Variants in FARS2 observed in about 807,000 individuals in gnomAD.
FARS2 encodes the protein phenylalanyl-tRNA synthetase 2, mitochondrial, also known as phenylalanine--tRNA ligase, mitochondrial.
FARS2 carries 40 observed loss-of-function variants against 46.4 expected under a neutral mutation model. The ratio of observed to expected loss-of-function variants is 0.86; its 90% confidence interval spans 0.67 to 1.12. The LOEUF is 1.12. Among genes scored for constraint, FARS2 ranks in the 50% most tolerant of loss-of-function variants. FARS2 has a pLI of 0.00. For synonymous variants in FARS2, 234 were observed against 214.9 expected (o/e 1.09, Z -0.78); for missense variants, 513 against 567.9 (o/e 0.90, Z 0.98).
chr6:5,410,528 T>C (rs771039572), intron 3 of FARS2, among the ~76,000 whole-genome samples: 19 of 152,148 alleles, frequency 1.2e-4, no homozygotes, highest in Admixed American at 6.5e-5. Flanking sequence ...TTGCTGTTGG[T>C]TGGTTTATTA....
chr6:5,727,484 A>G lies in FARS2; in HGVS notation c.1218-43807A>G, dbSNP rs1760342000. Among the ~76,000 whole-genome samples the G allele has an allele frequency of 6.6e-6, 1 of 152,222 alleles. No individual in the cohort carries two copies. The highest frequency in any genetic ancestry group is 1.5e-5 in the Non-Finnish European group (1 of 68,040). On this transcript the variant is annotated intron_variant, in intron 6 of 6. Coordinates refer to ENST00000274680, the MANE Select transcript of FARS2 (RefSeq NM_006567.5). The surrounding 1 kb of genome is among the most constrained non-coding windows in gnomAD (Gnocchi z 4.1). ...TTCTGTTTAAATAAAATGCCACGCT[A>G]GCGGGTTTCGGGTAACTGAAGAAAG...
chr6:5,635,994 T>G (rs2150729551), intron 6 of FARS2, among the ~76,000 whole-genome samples: 1 of 152,290 alleles, frequency 6.6e-6, no homozygotes, highest in South Asian at 2.1e-4. Context: ...CCAAAACACA[T>G]AAGCTACTAG....
intron 6 of FARS2, among the ~76,000 whole-genome samples, chr6:5,662,415 C>A (rs1009849345): frequency 5.9e-5 from 9 of 152,314 alleles, no homozygotes; most frequent in Admixed American, 1.3e-4. Flanking sequence ...CTCACTAAAA[C>A]AGCAATGTGG....
chr6:5,726,669 G>T lies in FARS2; in HGVS notation c.1218-44622G>T, dbSNP rs991401571. ...CCTCTATGCCTCGGAGACCACAACTGCAGAGCAGCCATTGTTTTAGCAGAG... is the reference window on the plus strand; with the variant it reads ...CCTCTATGCCTCGGAGACCACAACTTCAGAGCAGCCATTGTTTTAGCAGAG... On this transcript the variant is annotated intron_variant, in intron 6 of 6. Coordinates refer to ENST00000274680, the MANE Select transcript of FARS2 (RefSeq NM_006567.5). 3.3e-5 allele frequency among the ~76,000 whole-genome samples: 5 copies of T among 152,234 alleles called. 1 individual carries two copies. The highest frequency in any genetic ancestry group is 2.6e-4 in the Admixed American group (4 of 15,284).
chr6:5,737,775 G>A (rs545114258), intron 6 of FARS2, among the ~76,000 whole-genome samples: 4 of 152,186 alleles, frequency 2.6e-5, no homozygotes, highest in East Asian at 1.9e-4. Flanking sequence ...CCCTTCTTCC[G>A]TCTATCTGTG....
At chr6:5,554,053 A>G (rs1771516013) in intron 5 of FARS2, among the ~76,000 whole-genome samples, 1 of 152,232 alleles carries the variant, frequency 6.6e-6, no homozygotes, top group Non-Finnish European at 1.5e-5. Flanking sequence ...CAATCTTGAA[A>G]CTATTTTCTT....
intron 6 of FARS2, among the ~76,000 whole-genome samples, chr6:5,718,414 C>T (rs1561818852): frequency 6.6e-6 from 1 of 152,194 alleles, no homozygotes; most frequent in Non-Finnish European, 1.5e-5. Flanking sequence ...GTACTTGTTA[C>T]TGTATACCCT....
chr6:5,499,402 A>G (rs1767662109), intron 4 of FARS2, among the ~76,000 whole-genome samples: 1 of 152,226 alleles, frequency 6.6e-6, no homozygotes, highest in Admixed American at 6.5e-5. Flanking sequence ...CCTTCAGTGC[A>G]GGACATGAGT....
intron 6 of FARS2, among the ~76,000 whole-genome samples, chr6:5,749,126 C>T (rs1401850538): frequency 1.3e-5 from 2 of 152,212 alleles, no homozygotes; most frequent in African/African-American, 4.8e-5. Context: ...GCCACGGGCC[C>T]AGTCCTCTCC....
intron 6 of FARS2, among the ~76,000 whole-genome samples, chr6:5,681,686 C>A (rs1449811671): frequency 6.6e-6 from 1 of 152,234 alleles, no homozygotes; most frequent in African/African-American, 2.4e-5. Flanking sequence ...CATCTGCTGA[C>A]AAACTGCTGA....
chr6:5,390,551 C>T (rs1259721071), intron 2 of FARS2, among the ~76,000 whole-genome samples: 1 of 152,180 alleles, frequency 6.6e-6, no homozygotes, highest in East Asian at 1.9e-4. Context: ...AAACCAGTGT[C>T]TTTTCTGTGT....
rs1231033422 is a variant in FARS2, at chr6:5,642,156, ATGTC to A, written c.1217+28840_1217+28843del. 1.1e-4 allele frequency among the ~76,000 whole-genome samples: 16 copies of A among 152,282 alleles called. No individual in the cohort carries two copies. The South Asian group carries it at 2.1e-3, about 20-fold the overall frequency. ...TGTGTGTGTCTGTATGTGTGTGTGT[ATGTC>A]TGTATGTGTGTATTATAACACATGC... On this transcript the variant is annotated intron_variant, in intron 6 of 6. Transcript: ENST00000274680.
In FARS2 at chr6:5,727,988, G is replaced by A. The variant is rs73364225; in HGVS notation, c.1218-43303G>A. Among the ~76,000 whole-genome samples the A allele has an allele frequency of 6.0e-3, 917 of 152,300 alleles. 8 individuals carry two copies. Among genetic ancestry groups the A allele is most frequent in the African/African-American group, 0.021 (860 of 41,558 alleles). On this transcript the variant is annotated intron_variant, in intron 6 of 6. Transcript: ENST00000274680. The surrounding 1 kb of genome is among the most constrained non-coding windows in gnomAD (Gnocchi z 4.1). Reference sequence around the variant, plus strand: ...GTCCCTGGGAGCTTCGCTTACCACCGTGGGCACTTAATGGATGCTAAATAA... The same window carrying A: ...GTCCCTGGGAGCTTCGCTTACCACCATGGGCACTTAATGGATGCTAAATAA...
At chr6:5,527,144 G>A (rs562677805) in intron 4 of FARS2, among the ~76,000 whole-genome samples, 36 of 152,142 alleles carry the variant, frequency 2.4e-4, no homozygotes, top group Middle Eastern at 3.4e-3. Context: ...TCAACTCTTC[G>A]GTTATATTCT....
intron 4 of FARS2, among the ~76,000 whole-genome samples, chr6:5,477,020 C>A (rs1766164310): frequency 6.6e-6 from 1 of 152,048 alleles, no homozygotes; most frequent in African/African-American, 2.4e-5. Flanking sequence ...AGAAAATATC[C>A]CTCTTTCTTT....
intron 4 of FARS2, among the ~76,000 whole-genome samples, chr6:5,489,543 T>C (rs1766975975): frequency 6.6e-6 from 1 of 152,240 alleles, no homozygotes; most frequent in Non-Finnish European, 1.5e-5. Context: ...TTTGAATTTC[T>C]CCTTTGATTC....
intron 5 of FARS2, among the ~76,000 whole-genome samples, chr6:5,581,076 G>A (rs1158501745): frequency 6.6e-6 from 1 of 152,236 alleles, no homozygotes; most frequent in Non-Finnish European, 1.5e-5. Flanking sequence ...TTGAAGGCTT[G>A]CAGCCTTAAA....
intron 2 of FARS2, among the ~76,000 whole-genome samples, chr6:5,398,812 GA>G (rs1278997124): frequency 6.6e-6 from 1 of 152,114 alleles, no homozygotes; most frequent in African/African-American, 2.4e-5. Context: ...TAGTGACAGT[GA>G]GAAACCTGGT....
In FARS2 at chr6:5,709,734, GT is replaced by G. The variant is rs1759016553; in HGVS notation, c.1218-61556del. Among the ~76,000 whole-genome samples the G allele has an allele frequency of 6.3e-5, 7 of 110,698 alleles. 1 individual carries two copies. The highest frequency in any genetic ancestry group is 2.0e-4 in the African/African-American group (6 of 29,318). 72.6% of individuals were successfully genotyped at this position (110,698 alleles called of 152,430 possible). ...TGCATGTTGGGGGGGGTGGGGTTGT[GT>G]GTGTGTGTGTGCGCGCGCGCGTGTG... On this transcript the variant is annotated intron_variant, in intron 6 of 6. Coordinates refer to ENST00000274680, the MANE Select transcript of FARS2 (RefSeq NM_006567.5).
Sources: allele counts gnomAD v4.1 joint callset (sites outside exome capture counted in the v4.1 genomes callset), GRCh38; gene constraint gnomAD v4.1.1; non-coding constraint Gnocchi (gnomAD v3.1); transcripts MANE v1.5; gene names NCBI Gene and HGNC (gene_info 2026-07-23, HGNC 2026-07-21).